Variants in COL21A1 observed in about 807,000 individuals in gnomAD.
COL21A1 encodes collagen alpha-1(XXI) chain.
COL21A1 carries 149 observed loss-of-function variants against 137.9 expected under a neutral mutation model. The observed-to-expected ratio is 1.08, with a 90% CI of 0.95 to 1.24. The LOEUF is 1.24. Ranked by LOEUF, COL21A1 falls within the 50% of genes most tolerant of loss-of-function variation. The pLI, the probability that COL21A1 is intolerant of heterozygous loss-of-function variation, is 0.00. For synonymous variants in COL21A1, 456 were observed against 391.5 expected, an observed-to-expected ratio of 1.16 and a Z score of -1.95; for missense variants, 1,167 against 1,158.4, an observed-to-expected ratio of 1.01 and a Z score of -0.11.
intron 16 of COL21A1, among the ~76,000 whole-genome samples, chr6:56,118,436 A>G (rs988528278): frequency 6.6e-6 from 1 of 152,074 alleles, no homozygotes; most frequent in African/African-American, 2.4e-5. Context: ...GCAAACTGTC[A>G]TAAAAAGTCT....
chr6:56,064,704 T>TA, intron 23 of COL21A1, 82 bp from the exon 24 acceptor site: 1 of 805,270 alleles, frequency 1.2e-6, no homozygotes, highest in Non-Finnish European at 1.9e-6. Flanking sequence ...ATGTATTACC[T>TA]TGAGTTCCAG....
intron 10 of COL21A1, 89 bp from the exon 11 acceptor site, chr6:56,142,072 G>T: frequency 1.1e-6 from 1 of 946,526 alleles, no homozygotes; most frequent in Non-Finnish European, 1.6e-6. Flanking sequence ...CTTATCTCAA[G>T]TTTCTCATGC....
chr6:56,107,775 G>A (rs985511665), intron 16 of COL21A1, among the ~76,000 whole-genome samples: 2 of 152,078 alleles, frequency 1.3e-5, no homozygotes, highest in African/African-American at 4.8e-5. Context: ...TTCCAAAGGA[G>A]GAAAACCTTT....
chr6:56,264,394 T>G (rs1763349816), intron 1 of COL21A1, among the ~76,000 whole-genome samples: 1 of 152,158 alleles, frequency 6.6e-6, no homozygotes. Flanking sequence ...TCCCCTGGCT[T>G]TCCTTCTACT....
chr6:56,217,044 A>G (rs1056326819), intron 1 of COL21A1, among the ~76,000 whole-genome samples: 1 of 152,082 alleles, frequency 6.6e-6, no homozygotes, highest in African/African-American at 2.4e-5. Flanking sequence ...AATATGGCCA[A>G]TCCATATTTT....
intron 1 of COL21A1, among the ~76,000 whole-genome samples, chr6:56,240,837 T>C (rs1429857101): frequency 6.6e-6 from 1 of 152,174 alleles, no homozygotes; most frequent in East Asian, 1.9e-4. Context: ...CATGTCAATA[T>C]TAACATTATC....
chr6:56,229,765 G>A (rs1925146), intron 1 of COL21A1, among the ~76,000 whole-genome samples: 7,771 of 151,868 alleles, frequency 0.051, 263 homozygotes, highest in Middle Eastern at 0.12. Context: ...CACTCAGCTC[G>A]TTGGCCATGA....
intron 1 of COL21A1, among the ~76,000 whole-genome samples, chr6:56,214,320 C>A (rs1278898876): frequency 6.6e-6 from 1 of 152,034 alleles, no homozygotes; most frequent in Non-Finnish European, 1.5e-5. Flanking sequence ...ATTTATCCAT[C>A]CTATCATGAA....
At chr6:56,107,194 G>T (rs961638548) in intron 16 of COL21A1, among the ~76,000 whole-genome samples, 17 of 152,070 alleles carry the variant, frequency 1.1e-4, no homozygotes, top group Non-Finnish European at 5.9e-5. Context: ...AGATGAGAAC[G>T]ATGATTAAAT....
chr6:56,354,842 A>C (rs1041478209), intron 1 of COL21A1, among the ~76,000 whole-genome samples: 5 of 152,228 alleles, frequency 3.3e-5, no homozygotes, highest in Admixed American at 2.0e-4. Context: ...TGGGTGATGG[A>C]GTGAGACTTT....
intron 17 of COL21A1, among the ~76,000 whole-genome samples, chr6:56,090,717 T>G (rs982350205): frequency 6.6e-6 from 1 of 151,918 alleles, no homozygotes; most frequent in Non-Finnish European, 1.5e-5. Context: ...TAATATTGTT[T>G]TATAATAATT....
chr6:56,145,105 C>A (rs1430916674), intron 10 of COL21A1, among the ~76,000 whole-genome samples: 1 of 152,152 alleles, frequency 6.6e-6, no homozygotes, highest in African/African-American at 2.4e-5. Flanking sequence ...ACCATTAGTA[C>A]ATTGGGAATG....
intron 1 of COL21A1, among the ~76,000 whole-genome samples, chr6:56,294,187 A>G (rs919483046): frequency 6.6e-6 from 1 of 152,086 alleles, no homozygotes; most frequent in African/African-American, 2.4e-5. Flanking sequence ...ATCAAACAAA[A>G]AGGCAAGATT....
chr6:56,296,722 T>G (rs543252271), intron 1 of COL21A1, among the ~76,000 whole-genome samples: 28 of 151,902 alleles, frequency 1.8e-4, no homozygotes, highest in African/African-American at 6.8e-4. Context: ...ATTGGAGGGG[T>G]TCATGTAAAA....
chr6:56,373,087 G>A (rs1343427478), intron 1 of COL21A1, among the ~76,000 whole-genome samples: 2 of 152,180 alleles, frequency 1.3e-5, no homozygotes, highest in African/African-American at 4.8e-5. Flanking sequence ...AGCAGCTGCT[G>A]CACTAATGTG....
chr6:56,244,971 T>C (rs774559135), intron 1 of COL21A1, among the ~76,000 whole-genome samples: 8 of 152,204 alleles, frequency 5.3e-5, no homozygotes, highest in Admixed American at 2.6e-4. Context: ...TTGAAATTAT[T>C]GCAGCTAAGG....
intron 3 of COL21A1, among the ~76,000 whole-genome samples, chr6:56,178,324 G>A (rs1202523001): frequency 2.0e-5 from 3 of 152,050 alleles, no homozygotes; most frequent in Admixed American, 6.5e-5. Context: ...AACTACTAGA[G>A]ATTCATAAAA....
intron 1 of COL21A1, among the ~76,000 whole-genome samples, chr6:56,211,210 T>C (rs1164993970): frequency 5.0e-4 from 11 of 22,096 alleles, no homozygotes; most frequent in African/African-American, 2.5e-3. Context: ...TATACATATA[T>C]ATGTATATGT....
intron 1 of COL21A1, among the ~76,000 whole-genome samples, chr6:56,204,946 CA>C (rs1779664850): frequency 2.0e-5 from 3 of 152,216 alleles, no homozygotes; most frequent in East Asian, 3.9e-4. Context: ...TCAACATCAA[CA>C]AAAAGGATGT....
Sources: allele counts gnomAD v4.1 joint callset (sites outside exome capture counted in the v4.1 genomes callset), GRCh38; gene constraint gnomAD v4.1.1; transcripts MANE v1.5; gene names NCBI Gene and HGNC (gene_info 2026-07-23, HGNC 2026-07-21).